Variants in ADGRG6 observed in about 807,000 individuals in gnomAD.
The protein encoded by ADGRG6 is G-protein coupled receptor 126.
A neutral mutation model predicts 142.4 loss-of-function variants in ADGRG6; 84 were observed. That is an observed-to-expected ratio of 0.59 (90% CI 0.49 to 0.71). The LOEUF is 0.71. ADGRG6 is among the 30% of genes least tolerant of loss of function. The pLI, the probability that ADGRG6 is intolerant of heterozygous loss-of-function variation, is 0.00. For synonymous variants in ADGRG6, 521 were observed against 520.5 expected (o/e 1.00, Z -0.01); for missense variants, 1,367 against 1,466.6 (o/e 0.93, Z 1.11).
intron 22 of ADGRG6, among the ~76,000 whole-genome samples, chr6:142,431,226 T>G (rs571296150): frequency 6.6e-6 from 1 of 152,068 alleles, no homozygotes; most frequent in African/African-American, 2.4e-5. Flanking sequence ...GCATGAAGGT[T>G]TTTTTCCTTA....
At chr6:142,357,097 A>G (rs1340922216) in intron 2 of ADGRG6, among the ~76,000 whole-genome samples, 2 of 152,200 alleles carry the variant, frequency 1.3e-5, no homozygotes, top group Non-Finnish European at 2.9e-5. Flanking sequence ...TCCTTCCCAC[A>G]GTGATTTTTT....
intron 22 of ADGRG6, among the ~76,000 whole-genome samples, chr6:142,422,602 G>T (rs1466025578): frequency 6.6e-6 from 1 of 151,044 alleles, no homozygotes; most frequent in Non-Finnish European, 1.5e-5. Context: ...CTTTGCTATT[G>T]TGAATAATGC....
chr6:142,409,397 T>G (rs1375759488), intron 16 of ADGRG6, among the ~76,000 whole-genome samples: 1 of 152,196 alleles, frequency 6.6e-6, no homozygotes, highest in Non-Finnish European at 1.5e-5. Flanking sequence ...TAGATTTTGT[T>G]TGTCTATTCC....
At chr6:142,403,027 C>G (rs1775611933) in intron 13 of ADGRG6, among the ~76,000 whole-genome samples, 197 bp downstream of exon 13, 1 of 151,258 alleles carries the variant, frequency 6.6e-6, no homozygotes, top group East Asian at 1.9e-4. Flanking sequence ...TTGAGAAATA[C>G]AATTTACAAT....
At chr6:142,331,758 CTAAG>C (rs2114667739) in intron 2 of ADGRG6, among the ~76,000 whole-genome samples, 1 of 152,016 alleles carries the variant, frequency 6.6e-6, no homozygotes, top group Non-Finnish European at 1.5e-5. Context: ...GTATTTGTGA[CTAAG>C]TAGGAAAATA....
chr6:142,388,762 G>T (rs962480314), intron 6 of ADGRG6, among the ~76,000 whole-genome samples: 3 of 152,018 alleles, frequency 2.0e-5, no homozygotes, highest in Non-Finnish European at 2.9e-5. Flanking sequence ...CCGAATGCCT[G>T]TTGTTTTCCC....
chr6:142,331,829 C>T (rs1401720183), intron 2 of ADGRG6, among the ~76,000 whole-genome samples: 1 of 152,076 alleles, frequency 6.6e-6, no homozygotes, highest in Non-Finnish European at 1.5e-5. Context: ...CATTTTCATT[C>T]ACAGCTTGTG....
chr6:142,422,019 A>G (rs1776674978), intron 22 of ADGRG6, among the ~76,000 whole-genome samples: 1 of 152,160 alleles, frequency 6.6e-6, no homozygotes, highest in African/African-American at 2.4e-5. Flanking sequence ...CATTTTCAGA[A>G]CCTTCCAAGA....
intron 2 of ADGRG6, among the ~76,000 whole-genome samples, chr6:142,354,775 A>C (rs1309620362): frequency 6.6e-6 from 1 of 152,222 alleles, no homozygotes; most frequent in Non-Finnish European, 1.5e-5. Context: ...ATTAATTCCC[A>C]AGCAAATCAA....
chr6:142,371,118 A>G (rs930697271), intron 4 of ADGRG6, among the ~76,000 whole-genome samples: 1 of 152,164 alleles, frequency 6.6e-6, no homozygotes, highest in African/African-American at 2.4e-5. Context: ...TCTCAAATAC[A>G]AATGTTAACA....
intron 21 of ADGRG6, among the ~76,000 whole-genome samples, chr6:142,417,915 T>C (rs1266132648): frequency 6.6e-6 from 1 of 152,236 alleles, no homozygotes; most frequent in East Asian, 1.9e-4. Flanking sequence ...TATATGTTGA[T>C]TGAAAAAATT....
chr6:142,346,493 GTTGT>G (rs562107447), intron 2 of ADGRG6, among the ~76,000 whole-genome samples: 69 of 152,110 alleles, frequency 4.5e-4, no homozygotes, highest in Admixed American at 5.2e-4. Context: ...TTTTGATGGA[GTTGT>G]TTGTTTTTTT....
At chr6:142,329,363 AATTT>A (rs1433358376) in intron 2 of ADGRG6, among the ~76,000 whole-genome samples, 4 of 152,162 alleles carry the variant, frequency 2.6e-5, no homozygotes, top group African/African-American at 9.7e-5. Context: ...TCATTTTAAT[AATTT>A]ATTAGTAACT....
At chr6:142,416,939 A>T (rs934731543) in intron 20 of ADGRG6, among the ~76,000 whole-genome samples, 1 of 152,216 alleles carries the variant, frequency 6.6e-6, no homozygotes, top group East Asian at 1.9e-4. Flanking sequence ...AACAAGGCTT[A>T]ATTAATGAAA....
intron 4 of ADGRG6, among the ~76,000 whole-genome samples, chr6:142,380,364 G>T (rs1276205877): frequency 6.6e-6 from 1 of 152,046 alleles, no homozygotes; most frequent in Non-Finnish European, 1.5e-5. Context: ...TGGTTGTGGG[G>T]GGCCCTAGAA....
intron 2 of ADGRG6, among the ~76,000 whole-genome samples, chr6:142,315,947 C>T (rs912538045): frequency 1.3e-5 from 2 of 152,144 alleles, no homozygotes; most frequent in Non-Finnish European, 2.9e-5. Context: ...TGTGAAAAAA[C>T]TCTCAGAGAG....
intron 1 of ADGRG6, among the ~76,000 whole-genome samples, chr6:142,307,505 ACGG>A (rs1777560364): frequency 1.3e-5 from 2 of 151,970 alleles, no homozygotes; most frequent in South Asian, 4.1e-4. Context: ...TTTCTATGGG[ACGG>A]AAGTTTGTCA....
chr6:142,343,453 A>T (rs1779754918), intron 2 of ADGRG6, among the ~76,000 whole-genome samples: 2 of 151,616 alleles, frequency 1.3e-5, no homozygotes, highest in Admixed American at 6.6e-5. Context: ...TTACTCTTTT[A>T]AAAAAACATG....
intron 24 of ADGRG6, among the ~76,000 whole-genome samples, chr6:142,440,017 A>G (rs1370671672): frequency 6.6e-6 from 1 of 152,226 alleles, no homozygotes; most frequent in African/African-American, 2.4e-5. Context: ...ATGAATAGGA[A>G]TTAAACCAAA....
Sources: allele counts gnomAD v4.1 joint callset (sites outside exome capture counted in the v4.1 genomes callset), GRCh38; gene constraint gnomAD v4.1.1; transcripts MANE v1.5; gene names NCBI Gene and HGNC (gene_info 2026-07-23, HGNC 2026-07-21).